The following IPMK variants were observed in gnomAD, a reference collection of about 807,000 sequenced individuals.
IPMK encodes inositol polyphosphate multikinase.
Under a neutral mutation model 45.8 loss-of-function variants are expected in IPMK, and 17 were observed. That is an observed-to-expected ratio of 0.37 (90% CI 0.25 to 0.56). The LOEUF (loss-of-function observed/expected upper bound fraction) is 0.56. Ranked by LOEUF, IPMK falls within the 20% of genes least tolerant of loss-of-function variation. The pLI is 0.79. For missense variants in IPMK, 399 were observed against 498.0 expected, an observed-to-expected ratio of 0.80 and a Z score of 1.89; for synonymous variants, 180 against 184.3, an observed-to-expected ratio of 0.98 and a Z score of 0.19.
intron 4 of IPMK, among the ~76,000 whole-genome samples, chr10:58,213,833 T>C (rs186317481): frequency 2.0e-5 from 3 of 152,360 alleles, no homozygotes; most frequent in Admixed American, 1.3e-4. Flanking sequence ...CATTGAAAGC[T>C]ACTTTTCAAA....
chr10:58,257,422 G>A lies in IPMK; in HGVS notation c.190+10000C>T, dbSNP rs767534386. Among the ~76,000 whole-genome samples the A allele has an allele frequency of 1.1e-4, 17 of 152,254 alleles. No individual in the cohort carries two copies. In the Middle Eastern group the frequency reaches 0.01, roughly 91 times the overall value. ...AGGTATGAGAATCTCTTGAACTTGG[G>A]GGGCAGAGGTTGCAGTGAGCTGAGA... On this transcript the variant is annotated intron_variant, in intron 1 of 5. Coordinates refer to ENST00000373935, the MANE Select transcript of IPMK (RefSeq NM_152230.5).
chr10:58,244,065 G>A (rs376025058), intron 1 of IPMK, among the ~76,000 whole-genome samples: 144 of 149,774 alleles, frequency 9.6e-4, no homozygotes, highest in African/African-American at 2.9e-3. Flanking sequence ...GCCGCTCTTC[G>A]TCTGGGAGGT....
chr10:58,249,140 C>A (rs1838846680), intron 1 of IPMK, among the ~76,000 whole-genome samples: 1 of 152,214 alleles, frequency 6.6e-6, no homozygotes, highest in Non-Finnish European at 1.5e-5. Context: ...AATTTACATA[C>A]CTAACAACTG....
chr10:58,267,284 A>T lies in IPMK; in HGVS notation c.190+138T>A, dbSNP rs185417399. 1.9e-3 allele frequency: 1,450 copies of T among 773,156 alleles called. 3 individuals carry two copies. Among genetic ancestry groups the T allele is most frequent in the Non-Finnish European group, 2.5e-3 (1,190 of 473,040 alleles). 47.9% of individuals were successfully genotyped at this position (773,156 alleles called of 1,614,324 possible). A position where few individuals can be genotyped will look rare whatever the true frequency, so the allele number is the denominator to read the frequency against. On this transcript the variant is annotated intron_variant, in intron 1 of 5. Coordinates refer to ENST00000373935, the MANE Select transcript of IPMK (RefSeq NM_152230.5). The stretch of plus-strand genomic sequence containing the variant: ...TGCTCGAGTGGCGAGGCTTCGGGGG[A>T]CAGCGGAAGAGGCCAGGGATTTGGC...
intron 4 of IPMK, among the ~76,000 whole-genome samples, chr10:58,204,222 G>C (rs1313714147): frequency 1.3e-5 from 2 of 152,058 alleles, no homozygotes; most frequent in East Asian, 3.9e-4. Context: ...TAAGCTAGGT[G>C]TGGTAGCAAA....
chr10:58,254,078 T>G (rs1305190689), intron 1 of IPMK, among the ~76,000 whole-genome samples: 1 of 152,204 alleles, frequency 6.6e-6, no homozygotes, highest in African/African-American at 2.4e-5. Flanking sequence ...GTTGTCATCT[T>G]CCCTCAGATT....
At chr10:58,251,589 C>G (rs28856402) in intron 1 of IPMK, among the ~76,000 whole-genome samples, 17,102 of 152,118 alleles carry the variant, frequency 0.11, 1,639 homozygotes, top group African/African-American at 0.26. Context: ...TTGAAGTCTC[C>G]TACTATTATT....
chr10:58,241,326 AC>A (rs1236409438), intron 1 of IPMK, among the ~76,000 whole-genome samples: 5 of 152,212 alleles, frequency 3.3e-5, no homozygotes, highest in Admixed American at 6.5e-5. Context: ...GGTAGCTATC[AC>A]CAAGTAAAAA....
intron 2 of IPMK, 135 bp downstream of exon 2, chr10:58,237,594 G>A (rs1838633327): frequency 3.0e-6 from 2 of 661,080 alleles, no homozygotes; most frequent in African/African-American, 1.8e-5. Flanking sequence ...GATACGCACT[G>A]CTTTCCATGA....
At chr10:58,260,492 T>C (rs1588974399) in intron 1 of IPMK, among the ~76,000 whole-genome samples, 1 of 152,220 alleles carries the variant, frequency 6.6e-6, no homozygotes, top group South Asian at 2.1e-4. Context: ...AAAGGGGTCA[T>C]GATGTCTAAA....
At chr10:58,255,355 T>C (rs1340142218) in intron 1 of IPMK, among the ~76,000 whole-genome samples, 2 of 152,210 alleles carry the variant, frequency 1.3e-5, no homozygotes, top group East Asian at 3.8e-4. Flanking sequence ...CCACCTCCAA[T>C]TCTCTCCTCT....
rs1249649893 is a variant in IPMK at position 58,193,101 on chromosome 10, T to A, written c.*2975A>T. ...TTTCATCCTACATCTTCTATAATAT[T>A]CCAACCCCTAGAAACAAATGTATTT... is the stretch of plus-strand genomic sequence containing the variant. On this transcript the variant is annotated 3_prime_UTR_variant, in exon 6 of 6. Transcript: ENST00000373935. The A allele has an allele frequency of 6.6e-6, 1 of 151,928 alleles. No homozygotes were observed. Among genetic ancestry groups the A allele is most frequent in the Admixed American group, 6.6e-5 (1 of 15,258 alleles). The allele number at this position is 151,928 out of a possible 1,614,324, so 9.4% of individuals were successfully genotyped here. A position where few individuals can be genotyped will look rare whatever the true frequency, so the allele number is the denominator to read the frequency against.
intron 1 of IPMK, among the ~76,000 whole-genome samples, chr10:58,265,456 GTTGAACT>G (rs1839134939): frequency 6.6e-6 from 1 of 152,132 alleles, no homozygotes; most frequent in Non-Finnish European, 1.5e-5. Context: ...TAATAAAACT[GTTGAACT>G]TTGAATTAGT....
At chr10:58,235,087 C>G (rs552499886) in intron 2 of IPMK, among the ~76,000 whole-genome samples, 12 of 152,214 alleles carry the variant, frequency 7.9e-5, no homozygotes, top group Non-Finnish European at 8.8e-5. Context: ...CACTGGTCAT[C>G]AGAGCAATGC....
intron 1 of IPMK, among the ~76,000 whole-genome samples, chr10:58,244,895 C>A (rs1287128221): frequency 6.6e-6 from 1 of 152,094 alleles, no homozygotes; most frequent in Non-Finnish European, 1.5e-5. Flanking sequence ...CCCAGGGACA[C>A]AAACAGGGCC....
chr10:58,247,957 T>C (rs1051225560), intron 1 of IPMK, among the ~76,000 whole-genome samples: 2 of 152,334 alleles, frequency 1.3e-5, no homozygotes, highest in Admixed American at 1.3e-4. Flanking sequence ...GCTCCACAGC[T>C]ACAGACTTTT....
At chr10:58,206,696 A>C (rs761342137) in intron 4 of IPMK, among the ~76,000 whole-genome samples, 7 of 152,068 alleles carry the variant, frequency 4.6e-5, no homozygotes, top group Non-Finnish European at 1.0e-4. Flanking sequence ...TAAGTTCTTC[A>C]GTGGTGATTT....
chr10:58,199,374 G>A (rs1837964560), intron 4 of IPMK, 53 bp from the exon 5 acceptor site: 1 of 1,185,246 alleles, frequency 8.4e-7, no homozygotes, highest in Non-Finnish European at 1.2e-6. Flanking sequence ...GACCATGTGG[G>A]GTTATCCCAG....
chr10:58,254,052 C>T (rs937742581), intron 1 of IPMK, among the ~76,000 whole-genome samples: 4 of 152,146 alleles, frequency 2.6e-5, no homozygotes, highest in African/African-American at 7.2e-5. Context: ...AATCTTTGAG[C>T]TTCCTTTACC....
Sources: allele counts gnomAD v4.1 joint callset (sites outside exome capture counted in the v4.1 genomes callset), GRCh38; gene constraint gnomAD v4.1.1; transcripts MANE v1.5; gene names NCBI Gene and HGNC (gene_info 2026-07-23, HGNC 2026-07-21).